The following SLC8A1 variants were observed in gnomAD, a reference collection of about 807,000 sequenced individuals.
SLC8A1 encodes sodium/calcium exchanger 1.
In SLC8A1, 18 loss-of-function variants were observed where a neutral mutation model predicts 68.3. The ratio of observed to expected loss-of-function variants is 0.26; its 90% CI spans 0.18 to 0.39. The LOEUF (loss-of-function observed/expected upper bound fraction) is 0.39, where lower values mean the gene tolerates loss of function less well. SLC8A1 is among the 10% of genes least tolerant of loss of function. The probability of loss-of-function intolerance (pLI) is 1.00; values close to 1 mark genes in which losing one functional copy is unlikely to be tolerated. For missense variants in SLC8A1, 985 were observed against 1,156.7 expected, an observed-to-expected ratio of 0.85 and a Z score of 2.15; for synonymous variants, 475 against 415.5, an observed-to-expected ratio of 1.14 and a Z score of -1.74.
At chr2:40,154,654 TGTC>T (rs2044127819) in intron 6 of SLC8A1, among the ~76,000 whole-genome samples, 1 of 152,046 alleles carries the variant, frequency 6.6e-6, no homozygotes, top group Non-Finnish European at 1.5e-5. Flanking sequence ...CACACTCATA[TGTC>T]TTTGACAAAG....
chr2:40,143,007 G>A (rs2041868793), intron 6 of SLC8A1, among the ~76,000 whole-genome samples: 1 of 151,832 alleles, frequency 6.6e-6, no homozygotes, highest in Non-Finnish European at 1.5e-5. Flanking sequence ...CTTTCTGTAG[G>A]CTTCCAATAT....
intron 4 of SLC8A1, among the ~76,000 whole-genome samples, chr2:40,174,483 G>C (rs1230035241): frequency 6.6e-6 from 1 of 151,966 alleles, no homozygotes; most frequent in Non-Finnish European, 1.5e-5. Flanking sequence ...TTTGTAAATT[G>C]GTCAGTGTCA....
intron 2 of SLC8A1, among the ~76,000 whole-genome samples, chr2:40,347,430 A>T (rs2149432411): frequency 6.6e-6 from 1 of 152,342 alleles, no homozygotes; most frequent in South Asian, 2.1e-4. Flanking sequence ...GAGAAAGAAG[A>T]GAATCCAGGC....
At chr2:40,239,337 C>G (rs2060889390) in intron 2 of SLC8A1, among the ~76,000 whole-genome samples, 1 of 152,282 alleles carries the variant, frequency 6.6e-6, no homozygotes, top group Non-Finnish European at 1.5e-5. Context: ...ACCAAGATCA[C>G]TGAGTTATCT....
intron 2 of SLC8A1, among the ~76,000 whole-genome samples, chr2:40,252,629 A>G (rs1420189036): frequency 6.6e-6 from 1 of 152,132 alleles, no homozygotes; most frequent in Non-Finnish European, 1.5e-5. Context: ...GGTGTGAGCA[A>G]TCACGCCCGG....
At chr2:40,303,498 C>G (rs1379121036) in intron 2 of SLC8A1, among the ~76,000 whole-genome samples, 1 of 152,184 alleles carries the variant, frequency 6.6e-6, no homozygotes, top group Non-Finnish European at 1.5e-5. Flanking sequence ...AGACAAAATA[C>G]TCCACTAACT....
intron 2 of SLC8A1, among the ~76,000 whole-genome samples, chr2:40,373,897 G>C (rs1398571631): frequency 6.6e-6 from 1 of 152,084 alleles, no homozygotes; most frequent in African/African-American, 2.4e-5. Context: ...TTCTCTTTCA[G>C]ATATCTTCCA....
At chr2:40,439,051 G>C (rs539718150) in intron 1 of SLC8A1, among the ~76,000 whole-genome samples, 3 of 152,052 alleles carry the variant, frequency 2.0e-5, no homozygotes, top group Non-Finnish European at 4.4e-5. Context: ...TGGGTCTCCA[G>C]GCAGGATCAA....
intron 2 of SLC8A1, among the ~76,000 whole-genome samples, chr2:40,391,868 C>T (rs1194046042): frequency 6.6e-6 from 1 of 152,106 alleles, no homozygotes; most frequent in Non-Finnish European, 1.5e-5. Flanking sequence ...AGCCTCATGT[C>T]ACTAGGCTTC....
exon 8 of SLC8A1, chr2:40,115,159 T>C: frequency 1.1e-6 from 1 of 950,472 alleles, no homozygotes; most frequent in Non-Finnish European, 1.4e-6. Context: ...AGCAGGTAAG[T>C]GAACATGACA....
At chr2:40,367,036 C>T (rs1676439210) in intron 2 of SLC8A1, among the ~76,000 whole-genome samples, 1 of 151,632 alleles carries the variant, frequency 6.6e-6, no homozygotes, top group African/African-American at 2.4e-5. Flanking sequence ...GTGTGGTTGT[C>T]AAAAAAATGA....
chr2:40,291,504 C>T (rs74556919), intron 2 of SLC8A1, among the ~76,000 whole-genome samples: 2,071 of 152,080 alleles, frequency 0.014, 40 homozygotes, highest in African/African-American at 0.047. Flanking sequence ...TGATGTGATC[C>T]GCTCCCATTT....
At chr2:40,131,087 A>G (rs1349254418) in intron 7 of SLC8A1, among the ~76,000 whole-genome samples, 2 of 152,208 alleles carry the variant, frequency 1.3e-5, no homozygotes, top group Admixed American at 6.5e-5. Flanking sequence ...TGTGTTGGGT[A>G]CTTTATAAAT....
At chr2:40,438,242 C>T (rs1250700969) in intron 1 of SLC8A1, among the ~76,000 whole-genome samples, 1 of 152,116 alleles carries the variant, frequency 6.6e-6, no homozygotes, top group Admixed American at 6.6e-5. Context: ...AGAGAAACAG[C>T]AGCCTTTCTT....
chr2:40,320,213 A>G (rs1433477133), intron 2 of SLC8A1, among the ~76,000 whole-genome samples: 1 of 152,110 alleles, frequency 6.6e-6, no homozygotes, highest in Non-Finnish European at 1.5e-5. Context: ...ATACACATAC[A>G]TTGTTTTTCC....
chr2:40,322,543 G>T (rs1279258938), intron 2 of SLC8A1, among the ~76,000 whole-genome samples: 1 of 150,916 alleles, frequency 6.6e-6, no homozygotes, highest in Non-Finnish European at 1.5e-5. Context: ...GGGCATGGTG[G>T]TGCACACCTT....
At chr2:40,282,478 A>G (rs1360197916) in intron 2 of SLC8A1, among the ~76,000 whole-genome samples, 1 of 152,150 alleles carries the variant, frequency 6.6e-6, no homozygotes, top group Non-Finnish European at 1.5e-5. Flanking sequence ...GCCTATGTAC[A>G]TTTGTTTACG....
At chr2:40,321,548 A>T (rs1300151205) in intron 2 of SLC8A1, among the ~76,000 whole-genome samples, 1 of 152,060 alleles carries the variant, frequency 6.6e-6, no homozygotes, top group Non-Finnish European at 1.5e-5. Context: ...GGTTTAATTG[A>T]CTCACAGTTC....
intron 2 of SLC8A1, among the ~76,000 whole-genome samples, chr2:40,343,713 G>C (rs1412658790): frequency 6.6e-6 from 1 of 152,050 alleles, no homozygotes; most frequent in Non-Finnish European, 1.5e-5. Flanking sequence ...TAGTGTAAAG[G>C]AAAAAGATGT....
Sources: allele counts gnomAD v4.1 joint callset (sites outside exome capture counted in the v4.1 genomes callset), GRCh38; gene constraint gnomAD v4.1.1; transcripts MANE v1.5; gene names NCBI Gene and HGNC (gene_info 2026-07-23, HGNC 2026-07-21).